The following ADCY9 variants were observed in gnomAD, a reference collection of about 807,000 sequenced individuals.
ADCY9 encodes adenylate cyclase type 9.
A neutral mutation model predicts 101.5 loss-of-function variants in ADCY9; 50 were observed. That is an observed-to-expected ratio of 0.49 (90% CI 0.39 to 0.62). ADCY9 has a LOEUF of 0.62. Among genes scored for constraint, ADCY9 ranks in the 20% least tolerant of loss-of-function variants. ADCY9 has a pLI of 0.00. For missense variants in ADCY9, 1,662 were observed against 1,800.4 expected, an observed-to-expected ratio of 0.92 and a Z score of 1.39; for synonymous variants, 905 against 769.3, an observed-to-expected ratio of 1.18 and a Z score of -2.92.
chr16:4,068,460 C>T (rs997875833), intron 2 of ADCY9, among the ~76,000 whole-genome samples: 3 of 152,084 alleles, frequency 2.0e-5, no homozygotes, highest in Non-Finnish European at 4.4e-5. Flanking sequence ...TTATTAAACA[C>T]GCTATTTTAT....
At chr16:4,104,926 G>A (rs757506054) in intron 2 of ADCY9, among the ~76,000 whole-genome samples, 15 of 151,968 alleles carry the variant, frequency 9.9e-5, no homozygotes, top group South Asian at 2.1e-4. Flanking sequence ...AAAATTAGCC[G>A]GGTGTGGTGG....
At position 3,963,334 on chromosome 16, in the gene ADCY9, C is replaced by T. The variant is rs116889099; in HGVS notation, c.*2441G>A. 2.5e-3 allele frequency: 1,010 copies of T among 398,830 alleles called. 29 individuals carry two copies. The East Asian group carries it at 0.033, about 13-fold the overall frequency. The allele number at this position is 398,830 out of a possible 1,614,324, so 24.7% of individuals were successfully genotyped here. A position where few individuals can be genotyped will look rare whatever the true frequency, so the allele number is the denominator to read the frequency against. On this transcript the variant is annotated 3_prime_UTR_variant, in exon 11 of 11. Coordinates refer to ENST00000294016, the MANE Select transcript of ADCY9 (RefSeq NM_001116.4). Reference sequence around the variant, plus strand: ...GCTGCTTAGAAACTCGTGTCTCCAGCACGATGTGCTCGCTGCCAACAGACA... The same window carrying T: ...GCTGCTTAGAAACTCGTGTCTCCAGTACGATGTGCTCGCTGCCAACAGACA...
At chr16:4,002,360 T>C (rs773151899) in intron 3 of ADCY9, among the ~76,000 whole-genome samples, 13 of 152,184 alleles carry the variant, frequency 8.5e-5, no homozygotes, top group Admixed American at 3.3e-4. Flanking sequence ...AGAAAACAAG[T>C]AGATAAAAGA....
At chr16:4,100,108 G>T (rs1271071427) in intron 2 of ADCY9, among the ~76,000 whole-genome samples, 1 of 152,126 alleles carries the variant, frequency 6.6e-6, no homozygotes, top group Non-Finnish European at 1.5e-5. Context: ...TCTCGTGAGA[G>T]TGAGGGAGTT....
chr16:4,047,141 A>C (rs1054725935), intron 2 of ADCY9, among the ~76,000 whole-genome samples: 6 of 152,250 alleles, frequency 3.9e-5, no homozygotes, highest in African/African-American at 1.4e-4. Flanking sequence ...GAAATAGCTT[A>C]ACTATAACCA....
chr16:4,036,462 G>GTTTTTTTTT (rs59816813), intron 2 of ADCY9, among the ~76,000 whole-genome samples: 47 of 103,674 alleles, frequency 4.5e-4, no homozygotes, highest in Middle Eastern at 5.6e-3. Flanking sequence ...GGGTTTGTTT[G>GTTTTTTTTT]TTTTTTTTTT....
At chr16:3,985,946 C>G (rs1338842534) in intron 6 of ADCY9, among the ~76,000 whole-genome samples, 1 of 143,238 alleles carries the variant, frequency 7.0e-6, no homozygotes, top group African/African-American at 2.6e-5. Flanking sequence ...GACGCTCCCC[C>G]ACATCATGAC....
At chr16:4,051,385 G>A (rs9929383) in intron 2 of ADCY9, among the ~76,000 whole-genome samples, 16,018 of 151,888 alleles carry the variant, frequency 0.11, 2,716 homozygotes, top group African/African-American at 0.36. Context: ...TTAGCCGGGC[G>A]TGGTGGCGGG....
chr16:4,010,445 C>T lies in ADCY9; in HGVS notation c.1694-2887G>A, dbSNP rs551662207. 2.7e-4 allele frequency among the ~76,000 whole-genome samples: 41 copies of T among 152,370 alleles called. No individual in the cohort carries two copies. In the South Asian group the frequency reaches 6.8e-3, roughly 25 times the overall value. On this transcript the variant is annotated intron_variant, in intron 2 of 10. Transcript: ENST00000294016. ...GCGGCCTCTGCTCACAAGCTGGGCA[C>T]GTGCCTCAAGCACATCTCCAACGTC...
chr16:4,114,047 C>T lies in ADCY9; in HGVS notation c.1396G>A (p.Gly466Ser). ...ADHAYCCIEMGLGMIKAIEQF... is the reference protein window; with the variant it reads ...ADHAYCCIEMSLGMIKAIEQF... Reference sequence around the variant, plus strand: ...TCGATGGCCTTGATCATGCCCAGGCCCATCTCGATGCAGCAGTAGGCATGG... The same window carrying T: ...TCGATGGCCTTGATCATGCCCAGGCTCATCTCGATGCAGCAGTAGGCATGG... Residue 466 changes from glycine (G) to serine (S), a missense_variant, in exon 2 of 11, where the codon GGC (glycine) becomes AGC (serine). Gly to Ser is a moderately conservative substitution (Grantham distance 56). Transcript: ENST00000294016. This position sits in a 1 kb window ranked among gnomAD's most constrained non-coding sequence, Gnocchi z 4.3. The T allele has an allele frequency of 6.2e-7, 1 of 1,613,848 alleles. No individual in the cohort carries two copies.
At chr16:3,961,648 T>C (rs1483066779), downstream of ADCY9, among the ~76,000 whole-genome samples, 1 of 152,060 alleles carries the variant, frequency 6.6e-6, no homozygotes, top group Non-Finnish European at 1.5e-5. Flanking sequence ...CGCAAGTCCA[T>C]GAGCAACCAC....
chr16:4,042,833 T>C (rs1272636900), intron 2 of ADCY9, among the ~76,000 whole-genome samples: 1 of 152,224 alleles, frequency 6.6e-6, no homozygotes, highest in African/African-American at 2.4e-5. Flanking sequence ...CCACTCCGTT[T>C]GGACGATTCC....
At position 3,963,833 on chromosome 16, in the gene ADCY9, T is replaced by C. The variant is rs2055962153; in HGVS notation, c.*1942A>G. 6.6e-6 allele frequency: 1 copy of C among 150,824 alleles called. No individual in the cohort carries two copies. Among genetic ancestry groups the C allele is most frequent in the African/African-American group, 2.6e-5 (1 of 38,540 alleles). 9.3% of individuals were successfully genotyped at this position (150,824 alleles called of 1,614,324 possible). A position where few individuals can be genotyped will look rare whatever the true frequency, so the allele number is the denominator to read the frequency against. ...CGAACAAGGAAAGCATCAGGTAGTG[T>C]TTTTTAAGGAAAAAAAAAAATCTGC... On this transcript the variant is annotated 3_prime_UTR_variant, in exon 11 of 11. Transcript: ENST00000294016.
At chr16:4,033,342 C>T (rs1364344498) in intron 2 of ADCY9, among the ~76,000 whole-genome samples, 1 of 151,922 alleles carries the variant, frequency 6.6e-6, no homozygotes, top group Non-Finnish European at 1.5e-5. Flanking sequence ...TACTGCAGAA[C>T]TAAATATGCA....
At chr16:4,080,384 C>A (rs2056894114) in intron 2 of ADCY9, among the ~76,000 whole-genome samples, 1 of 152,136 alleles carries the variant, frequency 6.6e-6, no homozygotes, top group Non-Finnish European at 1.5e-5. Flanking sequence ...GCTGAGACTA[C>A]AGGCGTGCGC....
At chr16:4,058,289 C>T (rs2056753717) in intron 2 of ADCY9, among the ~76,000 whole-genome samples, 1 of 149,826 alleles carries the variant, frequency 6.7e-6, no homozygotes, top group East Asian at 2.0e-4. Context: ...CACGGTAAAA[C>T]CCCCGTCTCT....
chr16:3,968,902 G>C (rs1448283490), intron 10 of ADCY9, among the ~76,000 whole-genome samples: 1 of 151,780 alleles, frequency 6.6e-6, no homozygotes, highest in African/African-American at 2.4e-5. Flanking sequence ...TTAAAGTGCA[G>C]TGGCGTGATC....
At chr16:4,102,956 A>G (rs1454530985) in intron 2 of ADCY9, among the ~76,000 whole-genome samples, 2 of 152,282 alleles carry the variant, frequency 1.3e-5, no homozygotes, top group East Asian at 1.9e-4. Context: ...TCTTGACCTC[A>G]GGTGATCCAC....
intron 2 of ADCY9, among the ~76,000 whole-genome samples, chr16:4,070,106 ATGTATGTGTG>A (rs2056824428): frequency 7.6e-6 from 1 of 132,134 alleles, no homozygotes. Flanking sequence ...TCAAAAAAAT[ATGTATGTGTG>A]TGTATGTGTG....
Sources: gnomAD v4.1 joint callset for allele counts (sites outside exome capture counted in the v4.1 genomes callset) on GRCh38, gnomAD v4.1.1 for gene constraint, Gnocchi (gnomAD v3.1) non-coding constraint, MANE v1.5 for transcripts, NCBI Gene and HGNC (gene_info 2026-07-23, HGNC 2026-07-21) for gene names.